Variants in ARMC9 observed in about 807,000 individuals in gnomAD.
ARMC9 encodes lisH domain-containing protein ARMC9.
ARMC9 carries 94 observed loss-of-function variants against 107.0 expected under a neutral mutation model. The ratio of observed to expected loss-of-function variants is 0.88; its 90% CI spans 0.74 to 1.04. ARMC9 has a LOEUF of 1.04. Ranked by LOEUF, ARMC9 falls within the 50% of genes least tolerant of loss-of-function variation. ARMC9 has a pLI of 0.00. For synonymous variants in ARMC9, 380 were observed against 396.9 expected, an observed-to-expected ratio of 0.96 and a Z score of 0.51; for missense variants, 942 against 1,030.1, an observed-to-expected ratio of 0.91 and a Z score of 1.17.
chr2:231,272,304 G>A lies in ARMC9; in HGVS notation c.1211-651G>A, dbSNP rs554583781. 2.0e-4 allele frequency among the ~76,000 whole-genome samples: 29 copies of A among 147,096 alleles called. No individual in the cohort carries two copies. The South Asian group carries it at 4.9e-3, about 25-fold the overall frequency. Reference sequence around the variant, plus strand: ...CACCTGGGCTCAAGGAATACTCCTCGCGCCTCAGCCCCCCAATTAGCGGGA... The same window carrying A: ...CACCTGGGCTCAAGGAATACTCCTCACGCCTCAGCCCCCCAATTAGCGGGA... On this transcript the variant is annotated intron_variant, in intron 13 of 24. Coordinates refer to ENST00000611582, the MANE Select transcript of ARMC9 (RefSeq NM_001352754.2).
At chr2:231,336,257 G>T (rs1440431254) in intron 20 of ARMC9, among the ~76,000 whole-genome samples, 1 of 150,730 alleles carries the variant, frequency 6.6e-6, no homozygotes, top group African/African-American at 2.4e-5. Context: ...ACAGTAATAG[G>T]CAGATCTCAG....
At chr2:231,317,009 G>A (rs1408049702) in intron 19 of ARMC9, among the ~76,000 whole-genome samples, 1 of 152,056 alleles carries the variant, frequency 6.6e-6, no homozygotes, top group East Asian at 1.9e-4. Context: ...CATTGTTTAT[G>A]ATAAGAAGCC....
At position 231,296,280 on chromosome 2, in the gene ARMC9, T is replaced by C. The variant is rs149234415; in HGVS notation, c.1773+27T>C. On this transcript the variant is annotated intron_variant, in intron 19 of 24. Coordinates refer to ENST00000611582, the MANE Select transcript of ARMC9 (RefSeq NM_001352754.2). ...TAAGTTGGAGGTTCTTGACACCACA[T>C]AGAAAACCCATACCAAACTATTCTC... 4.2e-5 allele frequency: 67 copies of C among 1,591,142 alleles called. No homozygotes were observed. The African/African-American group carries it at 8.1e-4, about 19-fold the overall frequency.
intron 12 of ARMC9, among the ~76,000 whole-genome samples, chr2:231,263,609 A>C (rs746618685): frequency 3.9e-5 from 6 of 152,216 alleles, no homozygotes; most frequent in Non-Finnish European, 8.8e-5. Context: ...TTTGGTGGGG[A>C]CATTGAAACC....
At chr2:231,208,335 A>G (rs1488676015) in intron 3 of ARMC9, 83 bp downstream of exon 3, 7 of 1,131,762 alleles carry the variant, frequency 6.2e-6, no homozygotes, top group African/African-American at 3.2e-5. Context: ...GGATAGTGCT[A>G]GAATAGTTTT....
chr2:231,220,370 G>A (rs2033987980), intron 5 of ARMC9, among the ~76,000 whole-genome samples: 1 of 152,010 alleles, frequency 6.6e-6, no homozygotes, highest in African/African-American at 2.4e-5. Context: ...GCCAAGGTGG[G>A]CGGATCACCT....
intron 12 of ARMC9, among the ~76,000 whole-genome samples, chr2:231,262,941 C>T (rs532768175): frequency 3.9e-5 from 6 of 152,208 alleles, no homozygotes; most frequent in East Asian, 1.9e-4. Flanking sequence ...GGCAAGGAGC[C>T]GCGCCTGCCT....
intron 5 of ARMC9, among the ~76,000 whole-genome samples, chr2:231,219,220 G>A (rs1160354154): frequency 6.6e-6 from 1 of 151,614 alleles, no homozygotes; most frequent in Non-Finnish European, 1.5e-5. Flanking sequence ...TATGCAATCA[G>A]TGTGTGTAGA....
chr2:231,312,406 G>C (rs1027569868), intron 19 of ARMC9, among the ~76,000 whole-genome samples: 1 of 152,236 alleles, frequency 6.6e-6, no homozygotes, highest in Admixed American at 6.5e-5. Context: ...GGCCAGCCCA[G>C]TCTCAAAGGA....
chr2:231,368,626 C>G (rs1450519490), intron 23 of ARMC9, among the ~76,000 whole-genome samples: 1 of 152,034 alleles, frequency 6.6e-6, no homozygotes, highest in Non-Finnish European at 1.5e-5. Flanking sequence ...ATGAGTGATA[C>G]AAAAATTTTA....
At chr2:231,224,252 G>C (rs535542040) in intron 6 of ARMC9, among the ~76,000 whole-genome samples, 2 of 152,344 alleles carry the variant, frequency 1.3e-5, no homozygotes, top group East Asian at 3.9e-4. Flanking sequence ...TTTGAGCCCA[G>C]AGTGGGCAAC....
intron 9 of ARMC9, among the ~76,000 whole-genome samples, chr2:231,243,545 AT>A (rs1352243084): frequency 1.3e-5 from 2 of 152,220 alleles, no homozygotes; most frequent in Admixed American, 1.3e-4. Flanking sequence ...CCCGACTGTT[AT>A]GTTAGCAGCA....
rs2045648168 is a variant in ARMC9 at position 231,362,872 on chromosome 2, G to C, written c.2261+1989G>C. 1 of 154,274 alleles carries C rather than the reference G, an allele frequency of 6.5e-6. No homozygotes were observed. Among genetic ancestry groups the C allele is most frequent in the South Asian group, 2.0e-4 (1 of 4,894 alleles). The allele number at this position is 154,274 out of a possible 1,614,324, so 9.6% of individuals were successfully genotyped here. On this transcript the variant is annotated intron_variant, in intron 23 of 24. Coordinates refer to ENST00000611582, the MANE Select transcript of ARMC9 (RefSeq NM_001352754.2). This position sits in a 1 kb window ranked among gnomAD's most constrained non-coding sequence, Gnocchi z 4.7. ...ACTGAAGCATCCCTTCCTCCTGCCTGACCCCAAAGTGCGGGTCACGCCCTT... is the reference window on the plus strand; with the variant it reads ...ACTGAAGCATCCCTTCCTCCTGCCTCACCCCAAAGTGCGGGTCACGCCCTT...
intron 20 of ARMC9, among the ~76,000 whole-genome samples, chr2:231,344,351 GT>G (rs1321234074): frequency 6.6e-6 from 1 of 152,138 alleles, no homozygotes; most frequent in Non-Finnish European, 1.5e-5. Flanking sequence ...ATGCCACCTT[GT>G]TTTGTAAAGT....
In ARMC9 at chr2:231,344,994, A is replaced by G. The variant is rs2125583615; in HGVS notation, c.1898A>G (p.Lys633Arg). The G allele has an allele frequency of 6.2e-7, 1 of 1,614,070 alleles. No individual in the cohort carries two copies. The highest frequency in any genetic ancestry group is 1.7e-4 in the Middle Eastern group (1 of 6,036). ...CACCAGATCATGACCAACACGGGGA[A>G]GACAAGGCGGAAGGGGCTGGCTAAT... ...EYLGIMTNTG[K>R]TRRKGLANVQ... The change falls in exon 21 of 25, where the codon AAG (lysine) becomes AGG (arginine). Residue 633 changes from lysine (K) to arginine (R), a missense_variant. By Grantham distance (26) the Lys-to-Arg change is conservative. Coordinates refer to ENST00000611582, the MANE Select transcript of ARMC9 (RefSeq NM_001352754.2).
chr2:231,269,753 C>T (rs1322214077), intron 12 of ARMC9, among the ~76,000 whole-genome samples: 1 of 152,078 alleles, frequency 6.6e-6, no homozygotes, highest in African/African-American at 2.4e-5. Context: ...ATAGCATTCT[C>T]TTGTTTCATG....
intron 10 of ARMC9, 124 bp from the exon 11 acceptor site, chr2:231,258,867 G>C: frequency 1.2e-6 from 1 of 832,068 alleles, no homozygotes; most frequent in Non-Finnish European, 1.9e-6. Context: ...AGTGGAAGCC[G>C]GGAGGTCATG....
Position 231,360,968 on chromosome 2 carries a change from G to A in ARMC9, c.2261+85G>A. On this transcript the variant is annotated intron_variant, in intron 23 of 24. Transcript: ENST00000611582. This position sits in a 1 kb window ranked among gnomAD's most constrained non-coding sequence, Gnocchi z 4.7. ...CACGCCGGATGCAGAGCACCCAGGA[G>A]ACCTGGAAGGCTCCTCTGAGGCCCA... is the stretch of plus-strand genomic sequence containing the variant. The A allele has an allele frequency of 6.9e-7, 1 of 1,442,226 alleles. No homozygotes were observed. The highest frequency in any genetic ancestry group is 9.1e-7 in the Non-Finnish European group (1 of 1,103,256). The allele number at this position is 1,442,226 out of a possible 1,614,324, so 89.3% of individuals were successfully genotyped here.
At position 231,331,895 on chromosome 2, in the gene ARMC9, G is replaced by A; in HGVS notation, c.1876G>A (p.Gly626Arg). The change falls in exon 20 of 25, where the codon GGG (glycine) becomes AGG (arginine). Residue 626 changes from glycine (G) to arginine (R), a missense_variant and splice_region_variant. Physicochemically the swap from Gly to Arg is moderately radical, Grantham distance 125. Transcript: ENST00000611582. Reference protein sequence around the residue: ...GEKLLTTEYLGIMTNTGKTRR... With the variant: ...GEKLLTTEYLRIMTNTGKTRR... ...GAAGCTTCTGACCACGGAGTACCTG[G>A]GGGTAAGTGCCACACAAAGGGTGGG... The A allele has an allele frequency of 6.2e-7, 1 of 1,610,334 alleles. No individual in the cohort carries two copies. Among genetic ancestry groups the A allele is most frequent in the South Asian group, 1.1e-5 (1 of 90,792 alleles).
Sources: allele counts gnomAD v4.1 joint callset (sites outside exome capture counted in the v4.1 genomes callset), GRCh38; gene constraint gnomAD v4.1.1; non-coding constraint Gnocchi (gnomAD v3.1); transcripts MANE v1.5; gene names NCBI Gene and HGNC (gene_info 2026-07-23, HGNC 2026-07-21).